Variants in RAD23B observed in about 807,000 individuals in gnomAD.
The protein encoded by RAD23B is RAD23 nucleotide excision repair protein B, also known as lysine-specific demethylase RAD23B.
A neutral mutation model predicts 49.1 loss-of-function variants in RAD23B; 5 were observed. That is an observed-to-expected ratio of 0.10 (90% confidence interval 0.05 to 0.21). The LOEUF (loss-of-function observed/expected upper bound fraction) is 0.21. Among genes scored for constraint, RAD23B ranks in the 10% least tolerant of loss-of-function variants. The pLI, the probability that RAD23B is intolerant of heterozygous loss-of-function variation, is 1.00. For missense variants in RAD23B, 356 were observed against 486.7 expected (o/e 0.73, Z 2.53); for synonymous variants, 184 against 165.4 (o/e 1.11, Z -0.86).
intron 5 of RAD23B, among the ~76,000 whole-genome samples, chr9:107,314,730 G>A (rs954188029): frequency 6.6e-6 from 1 of 152,156 alleles, no homozygotes; most frequent in Non-Finnish European, 1.5e-5. Context: ...CTGTTTTTAA[G>A]TTCTTTCAGA....
At chr9:107,289,621 T>C (rs1375252162) in intron 1 of RAD23B, among the ~76,000 whole-genome samples, 1 of 151,216 alleles carries the variant, frequency 6.6e-6, no homozygotes, top group Non-Finnish European at 1.5e-5. Flanking sequence ...GCAGTAGGAG[T>C]GGAGATGTAG....
chr9:107,327,438 A>G (rs1223144341), intron 9 of RAD23B, among the ~76,000 whole-genome samples: 1 of 152,154 alleles, frequency 6.6e-6, no homozygotes, highest in Admixed American at 6.6e-5. Flanking sequence ...ATGCTATAGT[A>G]GCATCCCATA....
intron 3 of RAD23B, among the ~76,000 whole-genome samples, chr9:107,302,969 CA>C (rs1414171617): frequency 6.6e-6 from 1 of 152,072 alleles, no homozygotes; most frequent in African/African-American, 2.4e-5. Context: ...AAGTTTTAAA[CA>C]GATACTTTTT....
intron 1 of RAD23B, among the ~76,000 whole-genome samples, chr9:107,287,276 G>A (rs1190423498): frequency 6.6e-6 from 1 of 152,052 alleles, no homozygotes; most frequent in Non-Finnish European, 1.5e-5. Flanking sequence ...TCACTGAAAT[G>A]GTGACAAGAA....
chr9:107,304,000 A>T (rs1461194807), intron 3 of RAD23B, among the ~76,000 whole-genome samples: 2 of 152,120 alleles, frequency 1.3e-5, no homozygotes, highest in Admixed American at 1.3e-4. Context: ...ATTACATAGG[A>T]TTCTAATGAT....
chr9:107,331,693 A>G lies in RAD23B; in HGVS notation c.*2037A>G, dbSNP rs747878482. On this transcript the variant is annotated 3_prime_UTR_variant, in exon 10 of 10. Coordinates refer to ENST00000358015, the MANE Select transcript of RAD23B (RefSeq NM_002874.5). ...GATCATAGTGAAAACTGGAAACAAA[A>G]AAAAAAAACAGCCTCTTCTTGGAAA... The G allele has an allele frequency of 5.1e-6, 4 of 776,772 alleles. No individual in the cohort carries two copies. The allele number at this position is 776,772 out of a possible 1,614,324, so 48.1% of individuals were successfully genotyped here.
In RAD23B at chr9:107,292,349, G is replaced by A. The variant is rs1054925411; in HGVS notation, c.67-7792G>A. ...ACCTCTAGCATTGATTTCTAGATGC[G>A]AAATTATTTGGTCAAAGTGTGGCAG... On this transcript the variant is annotated intron_variant, in intron 1 of 9. Transcript: ENST00000358015. 9.2e-5 allele frequency among the ~76,000 whole-genome samples: 14 copies of A among 152,142 alleles called. No homozygotes were observed. The East Asian group carries it at 2.5e-3, about 27-fold the overall frequency.
At chr9:107,314,933 T>C (rs1826961217) in intron 5 of RAD23B, among the ~76,000 whole-genome samples, 1 of 152,246 alleles carries the variant, frequency 6.6e-6, no homozygotes, top group Non-Finnish European at 1.5e-5. Flanking sequence ...CACTTGTCTG[T>C]CTTCTTTTGA....
At chr9:107,296,440 ATG>A (rs1826521240) in intron 1 of RAD23B, among the ~76,000 whole-genome samples, 1 of 152,224 alleles carries the variant, frequency 6.6e-6, no homozygotes, top group Non-Finnish European at 1.5e-5. Flanking sequence ...ATCAAAATTT[ATG>A]TCTTTGGTTA....
chr9:107,301,873 A>G (rs1416782689), intron 2 of RAD23B, among the ~76,000 whole-genome samples, 162 bp from the exon 3 acceptor site: 1 of 151,984 alleles, frequency 6.6e-6, no homozygotes, highest in Non-Finnish European at 1.5e-5. Context: ...ATCTTGATTG[A>G]TTGGTTTTTC....
intron 1 of RAD23B, among the ~76,000 whole-genome samples, chr9:107,288,321 A>C (rs936442336): frequency 2.0e-5 from 3 of 152,226 alleles, no homozygotes; most frequent in African/African-American, 7.2e-5. Context: ...TGGTATGTGC[A>C]TTCTAGTGGG....
chr9:107,327,946 G>C (rs1287345501), intron 9 of RAD23B, among the ~76,000 whole-genome samples: 1 of 151,914 alleles, frequency 6.6e-6, no homozygotes, highest in Non-Finnish European at 1.5e-5. Context: ...AATGCCTTTT[G>C]TCTATAGTAA....
intron 8 of RAD23B, among the ~76,000 whole-genome samples, chr9:107,324,558 TTTTG>T (rs201536972): frequency 0.013 from 1,951 of 152,190 alleles, 50 homozygotes; most frequent in African/African-American, 0.044. Context: ...CAGTAGTTTT[TTTTG>T]TTTGTTTTTT....
At chr9:107,315,974 C>A (rs1012541579) in intron 5 of RAD23B, among the ~76,000 whole-genome samples, 3 of 151,396 alleles carry the variant, frequency 2.0e-5, no homozygotes, top group Non-Finnish European at 4.4e-5. Context: ...GACTGTCAGC[C>A]TGTGTTTGTA....
chr9:107,283,641 C>A lies in RAD23B; in HGVS notation c.12C>A (p.Thr4=). The change falls in exon 1 of 10, where the codon ACC becomes ACA. Residue 4 remains threonine, a synonymous_variant. Transcript: ENST00000358015. ...TGCGCGGCGGCACCATGCAGGTCAC[C>A]CTGAAGACCCTCCAGCAGCAGACCT... MQV[T]LKTLQQQTFK... 1 of 1,486,198 alleles carries A rather than the reference C, an allele frequency of 6.7e-7. No homozygotes were observed. The highest frequency in any genetic ancestry group is 2.3e-5 in the Admixed American group (1 of 43,768). The allele number at this position is 1,486,198 out of a possible 1,614,324, so 92.1% of individuals were successfully genotyped here. A position where few individuals can be genotyped will look rare whatever the true frequency, so the allele number is the denominator to read the frequency against.
intron 5 of RAD23B, among the ~76,000 whole-genome samples, chr9:107,316,122 G>A (rs895338581): frequency 2.0e-5 from 3 of 151,872 alleles, no homozygotes; most frequent in Admixed American, 6.6e-5. Context: ...CAATTCTCCT[G>A]CCTCAGCCTC....
At chr9:107,283,829 G>A in intron 1 of RAD23B, 134 bp downstream of exon 1, 2 of 945,076 alleles carry the variant, frequency 2.1e-6, no homozygotes, top group Non-Finnish European at 1.4e-6. Flanking sequence ...TCCTGGTGCC[G>A]GCCCTGGCGG....
rs1305632528 is a variant in RAD23B at position 107,306,483 on chromosome 9, A to G, written c.333A>G (p.Pro111=). ...SSTTTTVAQA[P]TPVPALAPTS... ...CCACCACAACTGTGGCTCAGGCTCC[A>G]ACCCCTGTCCCTGCCTTGGCCCCCA... Residue 111 remains proline, a synonymous_variant, in exon 4 of 10, where the codon CCA becomes CCG. Transcript: ENST00000358015. The G allele has an allele frequency of 6.2e-7, 1 of 1,614,190 alleles. No homozygotes were observed. Among genetic ancestry groups the G allele is most frequent in the Non-Finnish European group, 8.5e-7 (1 of 1,180,024 alleles).
At chr9:107,312,977 T>C (rs1826919318) in intron 5 of RAD23B, among the ~76,000 whole-genome samples, 1 of 152,198 alleles carries the variant, frequency 6.6e-6, no homozygotes, top group African/African-American at 2.4e-5. Context: ...TTCTCAGCTT[T>C]ATGGTCTCGG....
Sources: allele counts gnomAD v4.1 joint callset (sites outside exome capture counted in the v4.1 genomes callset), GRCh38; gene constraint gnomAD v4.1.1; transcripts MANE v1.5; gene names NCBI Gene and HGNC (gene_info 2026-07-23, HGNC 2026-07-21).